The following ADCY2 variants were observed in gnomAD, a reference collection of about 807,000 sequenced individuals.
The protein encoded by ADCY2 is adenylate cyclase type 2.
ADCY2 carries 31 observed loss-of-function variants against 125.2 expected under a neutral mutation model. The observed-to-expected ratio is 0.25, with a 90% CI of 0.19 to 0.33. The LOEUF (loss-of-function observed/expected upper bound fraction) is 0.33, where lower values mean the gene tolerates loss of function less well. Among genes scored for constraint, ADCY2 ranks in the 10% least tolerant of loss-of-function variants. The pLI, the probability that ADCY2 is intolerant of heterozygous loss-of-function variation, is 1.00. For synonymous variants in ADCY2, 512 were observed against 548.4 expected, an observed-to-expected ratio of 0.93 and a Z score of 0.93; for missense variants, 904 against 1,418.2, an observed-to-expected ratio of 0.64 and a Z score of 5.82.
rs1206761639 is a variant in ADCY2 at position 7,456,034 on chromosome 5, C to T, written c.408+41264C>T. Among the ~76,000 whole-genome samples the T allele has an allele frequency of 2.7e-5, 4 of 150,350 alleles. No individual in the cohort carries two copies. The East Asian group carries it at 7.8e-4, about 29-fold the overall frequency. On this transcript the variant is annotated intron_variant, in intron 2 of 24. Coordinates refer to ENST00000338316, the MANE Select transcript of ADCY2 (RefSeq NM_020546.3). The stretch of plus-strand genomic sequence containing the variant: ...CCACTTTCATCTTTAAGAAATGAGG[C>T]CTTGAGATAAACTATTTTATAGTGT...
intron 3 of ADCY2, among the ~76,000 whole-genome samples, chr5:7,521,746 T>G (rs1313090286): frequency 6.6e-6 from 1 of 152,194 alleles, no homozygotes; most frequent in Non-Finnish European, 1.5e-5. Flanking sequence ...TTTGGAAACT[T>G]GAGGTGGAAG....
At chr5:7,685,196 T>C (rs1448594445) in intron 4 of ADCY2, 1 of 152,318 alleles carries the variant, frequency 6.6e-6, no homozygotes, top group Non-Finnish European at 1.5e-5. Context: ...GGGAATTTGA[T>C]CCCTTGGGTT....
At chr5:7,472,580 T>C (rs1742381762) in intron 2 of ADCY2, among the ~76,000 whole-genome samples, 1 of 152,198 alleles carries the variant, frequency 6.6e-6, no homozygotes, top group Non-Finnish European at 1.5e-5. Context: ...TGCATTTTCA[T>C]GTGTCTCATA....
At chr5:7,661,606 T>C (rs1739535501) in intron 4 of ADCY2, among the ~76,000 whole-genome samples, 2 of 152,254 alleles carry the variant, frequency 1.3e-5, no homozygotes, top group Non-Finnish European at 2.9e-5. Flanking sequence ...GATTCAATGA[T>C]GTAATACTCA....
In ADCY2 at chr5:7,829,067, A is replaced by C. The variant is rs1010781528; in HGVS notation, c.*2196A>C. Reference sequence around the variant, plus strand: ...TTAAAAGCATTGAGTCATTGTCAGAATCCACTATGGGAAGCTCTGTGTGTA... The same window carrying C: ...TTAAAAGCATTGAGTCATTGTCAGACTCCACTATGGGAAGCTCTGTGTGTA... On this transcript the variant is annotated 3_prime_UTR_variant, in exon 25 of 25. Coordinates refer to ENST00000338316, the MANE Select transcript of ADCY2 (RefSeq NM_020546.3). 6.6e-6 allele frequency: 1 copy of C among 152,408 alleles called. No individual in the cohort carries two copies. Among genetic ancestry groups the C allele is most frequent in the Non-Finnish European group, 1.5e-5 (1 of 68,074 alleles). The allele number at this position is 152,408 out of a possible 1,614,324, so 9.4% of individuals were successfully genotyped here.
chr5:7,466,720 TAAATA>T (rs1478206571), intron 2 of ADCY2, among the ~76,000 whole-genome samples: 2 of 152,180 alleles, frequency 1.3e-5, no homozygotes, highest in Non-Finnish European at 2.9e-5. Context: ...GGTAAAAATG[TAAATA>T]ATAGAGTCCA....
At chr5:7,649,707 T>C (rs1298990402) in intron 4 of ADCY2, among the ~76,000 whole-genome samples, 1 of 152,140 alleles carries the variant, frequency 6.6e-6, no homozygotes, top group Non-Finnish European at 1.5e-5. Flanking sequence ...ACTCCATAGC[T>C]CCTATCTCTC....
At chr5:7,717,757 T>G (rs1461146759) in intron 12 of ADCY2, among the ~76,000 whole-genome samples, 4 of 151,984 alleles carry the variant, frequency 2.6e-5, no homozygotes, top group African/African-American at 9.7e-5. Context: ...TGGTCCAGAG[T>G]TGTGGGAGGA....
intron 2 of ADCY2, among the ~76,000 whole-genome samples, chr5:7,457,723 C>T (rs1741743884): frequency 6.6e-6 from 1 of 152,172 alleles, no homozygotes; most frequent in Admixed American, 6.5e-5. Context: ...AATTCTGGCC[C>T]TCTGTTCTGT....
Position 7,787,326 on chromosome 5 carries a change from C to T in ADCY2, c.2470-2316C>T, listed in dbSNP as rs543653356. ...TCCCGCCATGTCTCTGAGTCAAATC[C>T]CCCCTCCTTTCTCTTGTAAGCACAC... is the stretch of plus-strand genomic sequence containing the variant. On this transcript the variant is annotated intron_variant, in intron 19 of 24. Transcript: ENST00000338316. 7.9e-5 allele frequency among the ~76,000 whole-genome samples: 12 copies of T among 152,312 alleles called. No individual in the cohort carries two copies. The East Asian group carries it at 2.3e-3, about 29-fold the overall frequency.
chr5:7,760,050 A>G (rs1162035898), intron 16 of ADCY2, among the ~76,000 whole-genome samples: 1 of 152,170 alleles, frequency 6.6e-6, no homozygotes, highest in East Asian at 1.9e-4. Flanking sequence ...CTTTCTGCAG[A>G]CACACCACGA....
At chr5:7,760,571 G>A (rs756955947) in intron 16 of ADCY2, among the ~76,000 whole-genome samples, 36 of 152,206 alleles carry the variant, frequency 2.4e-4, no homozygotes, top group Non-Finnish European at 4.7e-4. Context: ...GCACATATGA[G>A]TTAGGGGACA....
At chr5:7,430,690 G>A (rs974589506) in intron 2 of ADCY2, among the ~76,000 whole-genome samples, 1 of 151,852 alleles carries the variant, frequency 6.6e-6, no homozygotes, top group African/African-American at 2.4e-5. Context: ...TTCAACAGGT[G>A]CACTGTGTGT....
At chr5:7,743,608 G>A (rs1742508472) in intron 14 of ADCY2, 60 bp from the exon 15 acceptor site, 1 of 1,494,710 alleles carries the variant, frequency 6.7e-7, no homozygotes, top group African/African-American at 1.4e-5. Context: ...ATTACTGGTA[G>A]CTTTCCAGAA....
At chr5:7,425,398 A>G (rs754287885) in intron 2 of ADCY2, among the ~76,000 whole-genome samples, 1 of 152,210 alleles carries the variant, frequency 6.6e-6, no homozygotes, top group African/African-American at 2.4e-5. Context: ...CTGTTGTTCT[A>G]TCCCAAGAAA....
intron 2 of ADCY2, among the ~76,000 whole-genome samples, chr5:7,518,393 C>T (rs1744325536): frequency 6.6e-6 from 1 of 152,162 alleles, no homozygotes; most frequent in Non-Finnish European, 1.5e-5. Context: ...CCAAACTTTG[C>T]ATTTTTATAC....
intron 3 of ADCY2, among the ~76,000 whole-genome samples, chr5:7,614,993 C>G (rs542828587): frequency 6.6e-6 from 1 of 152,082 alleles, no homozygotes; most frequent in Non-Finnish European, 1.5e-5. Flanking sequence ...GAAGCATGGC[C>G]GAGGAGGCCT....
At chr5:7,442,927 A>G (rs572929739) in intron 2 of ADCY2, among the ~76,000 whole-genome samples, 10 of 152,142 alleles carry the variant, frequency 6.6e-5, no homozygotes, top group Non-Finnish European at 1.3e-4. Context: ...AAATGTTCTT[A>G]TGTAGTTGAT....
Position 7,828,567 on chromosome 5 carries a change from C to T in ADCY2, c.*1696C>T, listed in dbSNP as rs977971520. ...ATCGAAGCTGATAACCGTCCTTCAT[C>T]ACCGAAGTGTGAGTAGAGCATGACT... is the stretch of plus-strand genomic sequence containing the variant. On this transcript the variant is annotated 3_prime_UTR_variant, in exon 25 of 25. Coordinates refer to ENST00000338316, the MANE Select transcript of ADCY2 (RefSeq NM_020546.3). The T allele has an allele frequency of 2.0e-5, 3 of 152,336 alleles. No individual in the cohort carries two copies. Among genetic ancestry groups the T allele is most frequent in the Non-Finnish European group, 4.4e-5 (3 of 68,048 alleles). 9.4% of individuals were successfully genotyped at this position (152,336 alleles called of 1,614,324 possible).
Sources: allele counts gnomAD v4.1 joint callset (sites outside exome capture counted in the v4.1 genomes callset), GRCh38; gene constraint gnomAD v4.1.1; transcripts MANE v1.5; gene names NCBI Gene and HGNC (gene_info 2026-07-23, HGNC 2026-07-21).